The following DDX4 variants were observed in gnomAD, a reference collection of about 807,000 sequenced individuals.
DDX4 encodes the protein probable ATP-dependent RNA helicase DDX4.
A neutral mutation model predicts 100.0 loss-of-function variants in DDX4; 25 were observed. That is an observed-to-expected ratio of 0.25 (90% CI 0.18 to 0.35). The LOEUF is 0.35. Among genes scored for constraint, DDX4 ranks in the 10% least tolerant of loss-of-function variants. The pLI is 1.00. For synonymous variants in DDX4, 259 were observed against 275.7 expected, an observed-to-expected ratio of 0.94 and a Z score of 0.60; for missense variants, 635 against 882.4, an observed-to-expected ratio of 0.72 and a Z score of 3.55.
rs79545256 is a variant in DDX4, at chr5:55,813,308, A to G, written c.1616-365A>G. 3.4e-3 allele frequency among the ~76,000 whole-genome samples: 523 copies of G among 152,322 alleles called. 4 individuals carry two copies. Among genetic ancestry groups the G allele is most frequent in the African/African-American group, 0.012 (500 of 41,574 alleles). ...GAAAGATTGGATTATCTTGAGAGGT[A>G]GACAGCAAAAAACATTTATAGAGCG... On this transcript the variant is annotated intron_variant, in intron 18 of 21. Coordinates refer to ENST00000505374, the MANE Select transcript of DDX4 (RefSeq NM_024415.3).
rs1428352182 is a variant in DDX4 at position 55,780,014 on chromosome 5, G to A, written c.445G>A (p.Gly149Arg). The change falls in exon 8 of 22, where the codon GGA (glycine) becomes AGA (arginine). Residue 149 changes from glycine to arginine, a missense_variant. Physicochemically the swap from Gly to Arg is moderately radical, Grantham distance 125 (BLOSUM62 -2). This residue lies in a region of DDX4 where 446 missense variants were observed against 540.8 expected (regional missense o/e 0.82). Transcript: ENST00000505374. The part of the protein sequence containing the change: ...SEASGPYRRG[G>R]RGSFRGCRGG... Reference sequence around the variant, plus strand: ...AGCTTCAGGGCCATACAGAAGAGGTGGAAGAGGTAGTTTCCGAGGTTGCCG... The same window carrying A: ...AGCTTCAGGGCCATACAGAAGAGGTAGAAGAGGTAGTTTCCGAGGTTGCCG... The A allele has an allele frequency of 1.9e-6, 3 of 1,614,014 alleles. No individual in the cohort carries two copies. Among genetic ancestry groups the A allele is most frequent in the Non-Finnish European group, 8.5e-7 (1 of 1,179,968 alleles).
At chr5:55,769,582 T>C (rs1159254014) in intron 7 of DDX4, among the ~76,000 whole-genome samples, 2 of 152,152 alleles carry the variant, frequency 1.3e-5, no homozygotes. Context: ...ATCCACTATA[T>C]TGTTAAAATG....
intron 7 of DDX4, among the ~76,000 whole-genome samples, chr5:55,778,169 C>T (rs967996581): frequency 5.3e-5 from 8 of 151,942 alleles, no homozygotes; most frequent in African/African-American, 1.9e-4. Context: ...TAAGTCTAAC[C>T]TTCATGATTT....
intron 17 of DDX4, among the ~76,000 whole-genome samples, chr5:55,795,265 C>G (rs1235242867): frequency 1.3e-5 from 2 of 152,168 alleles, no homozygotes; most frequent in African/African-American, 4.8e-5. Flanking sequence ...GCACCCGGCC[C>G]AGACTTTTAA....
intron 3 of DDX4, among the ~76,000 whole-genome samples, chr5:55,756,500 T>C (rs1759945990): frequency 1.3e-5 from 2 of 152,176 alleles, no homozygotes; most frequent in Non-Finnish European, 2.9e-5. Context: ...CTAAGTCTTT[T>C]CTCATCTTCC....
In DDX4 at chr5:55,816,425, T is replaced by G. The variant is rs1217169041; in HGVS notation, c.2098-38T>G. On this transcript the variant is annotated intron_variant, in intron 21 of 21. Transcript: ENST00000505374. ...TAAAGCTGTCATAAAATTAAATGTT[T>G]GTTTGTTTCTTTTTTTTTTTTTTTA... 1.1e-5 allele frequency: 17 copies of G among 1,548,270 alleles called. No individual in the cohort carries two copies. The African/African-American group carries it at 2.4e-4, about 22-fold the overall frequency.
chr5:55,741,716 G>C (rs1180193911), intron 2 of DDX4, among the ~76,000 whole-genome samples: 2 of 152,054 alleles, frequency 1.3e-5, no homozygotes, highest in African/African-American at 4.8e-5. Flanking sequence ...TTGAAATTGG[G>C]AGGTGGAGAC....
chr5:55,801,483 A>G (rs970701552), intron 18 of DDX4, among the ~76,000 whole-genome samples: 4 of 152,218 alleles, frequency 2.6e-5, no homozygotes, highest in African/African-American at 9.6e-5. Flanking sequence ...TGGCATTGCT[A>G]TCCATTGCAA....
chr5:55,804,093 T>C (rs1315675017), intron 18 of DDX4, among the ~76,000 whole-genome samples: 1 of 152,064 alleles, frequency 6.6e-6, no homozygotes, highest in African/African-American at 2.4e-5. Flanking sequence ...CATTTTTTCA[T>C]GTGGTTTTTG....
At chr5:55,748,865 A>C (rs1356124604) in intron 3 of DDX4, among the ~76,000 whole-genome samples, 1 of 152,186 alleles carries the variant, frequency 6.6e-6, no homozygotes, top group African/African-American at 2.4e-5. Flanking sequence ...CACTGGCATA[A>C]TATATTAATA....
At chr5:55,758,553 A>G (rs925035323) in intron 3 of DDX4, among the ~76,000 whole-genome samples, 4 of 152,070 alleles carry the variant, frequency 2.6e-5, no homozygotes, top group Admixed American at 6.6e-5. Context: ...TTAAGTACTG[A>G]TTTAACTTCT....
chr5:55,792,581 G>T (rs1458948322), intron 16 of DDX4, 60 bp from the exon 17 acceptor site: 11 of 837,968 alleles, frequency 1.3e-5, no homozygotes, highest in Non-Finnish European at 1.7e-5. Context: ...GAATTGTAGA[G>T]AATAGTTTAA....
In DDX4 at chr5:55,815,019, G is replaced by A; in HGVS notation, c.1834G>A (p.Val612Ile). Residue 612 changes from valine (V) to isoleucine (I), a missense_variant, in exon 20 of 22, where the codon GTT (valine) becomes ATT (isoleucine). Transcript: ENST00000505374. Reference protein sequence around the residue: ...RGLDIENVQHVINFDLPSTID... With the variant: ...RGLDIENVQHIINFDLPSTID... ...GCTGGATATTGAAAATGTGCAACAT[G>A]TTATCAATTTTGATCTTCCTTCTAC... 2 of 1,614,150 alleles carry A rather than the reference G, an allele frequency of 1.2e-6. No homozygotes were observed. The highest frequency in any genetic ancestry group is 8.5e-7 in the Non-Finnish European group (1 of 1,179,970).
rs555578102 is a variant in DDX4, at chr5:55,766,572, G to C, written c.335-1309G>C. ...GTCCTGCCTTCCAGAAAGTTGTCTT[G>C]TTAATGGCTCTTCAGGATTGTTTGT... On this transcript the variant is annotated intron_variant, in intron 6 of 21. Transcript: ENST00000505374. 5.2e-4 allele frequency among the ~76,000 whole-genome samples: 78 copies of C among 150,968 alleles called. 1 individual carries two copies. Among genetic ancestry groups the C allele is most frequent in the African/African-American group, 1.9e-3 (77 of 41,068 alleles).
At chr5:55,799,034 A>AT (rs961323620) in intron 18 of DDX4, among the ~76,000 whole-genome samples, 19 of 151,494 alleles carry the variant, frequency 1.3e-4, no homozygotes, top group African/African-American at 3.6e-4. Context: ...ATCTGTGGGA[A>AT]TTTTTTTTTC....
At chr5:55,746,937 T>C (rs1759277107) in intron 3 of DDX4, among the ~76,000 whole-genome samples, 1 of 152,196 alleles carries the variant, frequency 6.6e-6, no homozygotes, top group South Asian at 2.1e-4. Flanking sequence ...ATTGTTACTA[T>C]ATTAAAATAA....
intron 3 of DDX4, among the ~76,000 whole-genome samples, chr5:55,750,944 G>A (rs1271562781): frequency 6.6e-6 from 1 of 152,082 alleles, no homozygotes; most frequent in Non-Finnish European, 1.5e-5. Flanking sequence ...ATTACCTCCT[G>A]TTCCCCTCTG....
chr5:55,746,881 G>A (rs1759274207), intron 3 of DDX4, among the ~76,000 whole-genome samples: 2 of 152,190 alleles, frequency 1.3e-5, no homozygotes, highest in Admixed American at 6.5e-5. Flanking sequence ...TGAACTCATG[G>A]CAGTAGTTTT....
At chr5:55,786,485 G>A (rs1414690616) in intron 13 of DDX4, 33 bp from the exon 14 acceptor site, 3 of 1,553,728 alleles carry the variant, frequency 1.9e-6, no homozygotes, top group Non-Finnish European at 2.7e-6. Flanking sequence ...ATGATATATA[G>A]AATGTAATCA....
Sources: gnomAD v4.1 joint callset for allele counts (sites outside exome capture counted in the v4.1 genomes callset) on GRCh38, gnomAD v4.1.1 for gene constraint, gnomAD v4.1.1 regional missense constraint, MANE v1.5 for transcripts, NCBI Gene and HGNC (gene_info 2026-07-23, HGNC 2026-07-21) for gene names.